Variants in HCN2 observed in about 807,000 individuals in gnomAD.
The protein encoded by HCN2 is hyperpolarization activated cyclic nucleotide gated potassium and sodium channel 2, also known as potassium/sodium hyperpolarization-activated cyclic nucleotide-gated channel 2.
Under a neutral mutation model 52.3 loss-of-function variants are expected in HCN2, and 20 were observed. That is an observed-to-expected ratio of 0.38 (90% CI 0.27 to 0.56). The LOEUF is 0.56. Ranked by LOEUF, HCN2 falls within the 20% of genes least tolerant of loss-of-function variation. The pLI, the probability that HCN2 is intolerant of heterozygous loss-of-function variation, is 0.71. For synonymous variants in HCN2, 694 were observed against 537.0 expected (o/e 1.29, Z -4.04); for missense variants, 981 against 1,207.7 (o/e 0.81, Z 2.78).
chr19:614,879 C>T (rs573886358), intron 7 of HCN2, among the ~76,000 whole-genome samples: 5 of 151,982 alleles, frequency 3.3e-5, no homozygotes, highest in Non-Finnish European at 5.9e-5. Context: ...AGAGAGATGG[C>T]GGCTCATGCT....
At chr19:615,161 C>T (rs970232611) in intron 7 of HCN2, among the ~76,000 whole-genome samples, 2 of 152,108 alleles carry the variant, frequency 1.3e-5, no homozygotes, top group African/African-American at 4.8e-5. Flanking sequence ...ACAGGTGGTA[C>T]ACATGCATAC....
At chr19:613,773 A>AGGCCG in intron 6 of HCN2, 79 bp from the exon 7 acceptor site, 1 of 1,365,056 alleles carries the variant, frequency 7.3e-7, no homozygotes, top group Admixed American at 3.5e-5. Context: ...CAAGGTGCAG[A>AGGCCG]GGCCGGGCCG....
At chr19:596,605 G>T (rs1477834298) in intron 1 of HCN2, among the ~76,000 whole-genome samples, 2 of 152,218 alleles carry the variant, frequency 1.3e-5, no homozygotes, top group Non-Finnish European at 2.9e-5. Context: ...TGATGTTTCT[G>T]TGACAGCTGA....
chr19:606,243 G>A (rs1327081703), intron 3 of HCN2, among the ~76,000 whole-genome samples: 1 of 152,050 alleles, frequency 6.6e-6, no homozygotes, highest in East Asian at 1.9e-4. Context: ...TGGGACTACA[G>A]GCGCCCGCCA....
At chr19:595,602 T>TG (rs528674249) in intron 1 of HCN2, among the ~76,000 whole-genome samples, 225 of 152,304 alleles carry the variant, frequency 1.5e-3, no homozygotes, top group African/African-American at 5.2e-3. Context: ...CCCTCCCACC[T>TG]GCCTGGGGCT....
rs1983981648 is a variant in HCN2, at chr19:616,935, C to CCG, written c.*468_*469dup. The CCG allele has an allele frequency of 2.6e-6, 1 of 377,650 alleles. No individual in the cohort carries two copies. Among genetic ancestry groups the CCG allele is most frequent in the East Asian group, 6.6e-5 (1 of 15,076 alleles). The allele number at this position is 377,650 out of a possible 1,614,324, so 23.4% of individuals were successfully genotyped here. A position where few individuals can be genotyped will look rare whatever the true frequency, so the allele number is the denominator to read the frequency against. ...ACGCAATAACCGGCCCGGCCCCCGT[C>CCG]CGCGCGCGTCCCCCGGTGACCTCGG... is the stretch of plus-strand genomic sequence containing the variant. On this transcript the variant is annotated 3_prime_UTR_variant, in exon 8 of 8. Transcript: ENST00000251287.
chr19:604,439 G>C (rs1983330373), intron 2 of HCN2, among the ~76,000 whole-genome samples: 1 of 149,134 alleles, frequency 6.7e-6, no homozygotes, highest in Non-Finnish European at 1.5e-5. Context: ...GGCAGCAGGG[G>C]CAGGGCTATG....
At chr19:605,335 G>T in intron 3 of HCN2, 113 bp downstream of exon 3, 1 of 903,004 alleles carries the variant, frequency 1.1e-6, no homozygotes, top group Non-Finnish European at 1.6e-6. Context: ...TCAGAGGTGG[G>T]GACCCAGGCG....
intron 1 of HCN2, among the ~76,000 whole-genome samples, chr19:602,564 G>T (rs930175340): frequency 6.6e-6 from 1 of 152,180 alleles, no homozygotes; most frequent in East Asian, 1.9e-4. Context: ...GCTGAGCACG[G>T]TTCATTTCCC....
At position 616,503 on chromosome 19, in the gene HCN2, CGGGCCGGGGGCG is replaced by C; in HGVS notation, c.*36_*47del. 1 of 1,196,322 alleles carries C rather than the reference CGGGCCGGGGGCG, an allele frequency of 8.4e-7. No homozygotes were observed. The highest frequency in any genetic ancestry group is 4.1e-5 in the East Asian group (1 of 24,132). 74.1% of individuals were successfully genotyped at this position (1,196,322 alleles called of 1,614,324 possible). A position where few individuals can be genotyped will look rare whatever the true frequency, so the allele number is the denominator to read the frequency against. ...TCGCCGACCGCCCCGCGGGCCCAGG[CGGGCCGGGGGCG>C]GGGCCGTCATCCAGACCAAAGCCAT... On this transcript the variant is annotated 3_prime_UTR_variant, in exon 8 of 8. Transcript: ENST00000251287.
rs1246683620 is a variant in HCN2 at position 616,386 on chromosome 19, C to T, written c.2582C>T (p.Pro861Leu). 4.8e-6 allele frequency: 6 copies of T among 1,237,530 alleles called. No homozygotes were observed. The highest frequency in any genetic ancestry group is 2.1e-5 in the South Asian group (1 of 46,824). 76.7% of individuals were successfully genotyped at this position (1,237,530 alleles called of 1,614,324 possible). Residue 861 changes from proline to leucine, a missense_variant, in exon 8 of 8, where the codon CCG becomes CTG. Physicochemically the swap from Pro to Leu is moderately conservative, Grantham distance 98 (BLOSUM62 -3). Around this residue, in one of 6 missense-constraint regions of HCN2, gnomAD observed 368 missense variants for 314.8 expected, o/e 1.17. Transcript: ENST00000251287. ...TPAARAAAPS[P>L]DRRDSASPGA... ...GCTGCCCGGGCCGCCGCGCCCAGCC[C>T]GGACCGCAGGGACTCGGCCTCACCC...
At chr19:594,312 G>C (rs1600516232) in intron 1 of HCN2, among the ~76,000 whole-genome samples, 1 of 152,200 alleles carries the variant, frequency 6.6e-6, no homozygotes, top group Non-Finnish European at 1.5e-5. Flanking sequence ...CACAGGGCAG[G>C]TGTCGGGTGG....
intron 3 of HCN2, among the ~76,000 whole-genome samples, chr19:606,048 G>C (rs745816073): frequency 6.6e-6 from 1 of 152,166 alleles, no homozygotes; most frequent in South Asian, 2.1e-4. Flanking sequence ...TGCTTAGCGC[G>C]TTTTCCAATG....
intron 3 of HCN2, among the ~76,000 whole-genome samples, chr19:607,375 C>T (rs1264220801): frequency 6.6e-6 from 1 of 152,204 alleles, no homozygotes; most frequent in Admixed American, 6.5e-5. Context: ...TTGGTTTGGA[C>T]ACAGAGCAGG....
intron 1 of HCN2, among the ~76,000 whole-genome samples, chr19:597,931 CGCCCCT>C (rs1983087626): frequency 6.6e-6 from 1 of 152,230 alleles, no homozygotes; most frequent in South Asian, 2.1e-4. Flanking sequence ...AGTTTCTCCT[CGCCCCT>C]CGTGGGGGAG....
chr19:615,835 C>G lies in HCN2; in HGVS notation c.2031C>G (p.Asp677Glu). ...TCCTCCTGCACAAGGTGCAGCATGA[C>G]CTCAACTCGGGCGTATTCAACAACC... Reference protein sequence around the residue: ...NSILLHKVQHDLNSGVFNNQE... With the variant: ...NSILLHKVQHELNSGVFNNQE... The change falls in exon 8 of 8, where the codon GAC becomes GAG. Residue 677 changes from aspartate to glutamate, a missense_variant. Coordinates refer to ENST00000251287, the MANE Select transcript of HCN2 (RefSeq NM_001194.4). The G allele has an allele frequency of 6.2e-7, 1 of 1,612,790 alleles. No homozygotes were observed. The highest frequency in any genetic ancestry group is 8.5e-7 in the Non-Finnish European group (1 of 1,179,804).
intron 1 of HCN2, among the ~76,000 whole-genome samples, chr19:595,516 C>T (rs1162767967): frequency 7.9e-5 from 12 of 152,324 alleles, no homozygotes; most frequent in Admixed American, 5.2e-4. Flanking sequence ...CATCAACCTC[C>T]GCACCTGCTG....
chr19:616,573 A>C lies in HCN2; in HGVS notation c.*99A>C. ...CGCTGCCCCGGCCGCCAGTCCGCCC[A>C]GAAGCCATAGACGAGACGTAGGTAG... On this transcript the variant is annotated 3_prime_UTR_variant, in exon 8 of 8. Coordinates refer to ENST00000251287, the MANE Select transcript of HCN2 (RefSeq NM_001194.4). 2.8e-6 allele frequency: 2 copies of C among 716,854 alleles called. No homozygotes were observed. The highest frequency in any genetic ancestry group is 3.6e-6 in the Non-Finnish European group (2 of 550,756). The allele number at this position is 716,854 out of a possible 1,614,324, so 44.4% of individuals were successfully genotyped here. A position where few individuals can be genotyped will look rare whatever the true frequency, so the allele number is the denominator to read the frequency against.
In HCN2 at chr19:613,823, A is replaced by G. The variant is rs766781053; in HGVS notation, c.1826-29A>G. 8.1e-6 allele frequency: 12 copies of G among 1,487,124 alleles called. No individual in the cohort carries two copies. The East Asian group carries it at 2.5e-4, about 32-fold the overall frequency. 92.1% of individuals were successfully genotyped at this position (1,487,124 alleles called of 1,614,324 possible). A position where few individuals can be genotyped will look rare whatever the true frequency, so the allele number is the denominator to read the frequency against. On this transcript the variant is annotated intron_variant, in intron 6 of 7. Coordinates refer to ENST00000251287, the MANE Select transcript of HCN2 (RefSeq NM_001194.4). ...GAGGGCCGCGGCGCCCGCCTCGTCC[A>G]GCAACCCCCCCCTGCGCGCCACGTG...
Sources: allele counts gnomAD v4.1 joint callset (sites outside exome capture counted in the v4.1 genomes callset), GRCh38; gene constraint gnomAD v4.1.1; regional missense constraint gnomAD v4.1.1; transcripts MANE v1.5; gene names NCBI Gene and HGNC (gene_info 2026-07-23, HGNC 2026-07-21).